IMMP2L: variants seen among roughly 807,000 people sequenced by gnomAD.
IMMP2L encodes mitochondrial inner membrane protease subunit 2.
A neutral mutation model predicts 19.3 loss-of-function variants in IMMP2L; 18 were observed. The ratio of observed to expected loss-of-function variants is 0.93; its 90% CI spans 0.64 to 1.38. The LOEUF (loss-of-function observed/expected upper bound fraction) is 1.38, where lower values mean the gene tolerates loss of function less well. IMMP2L is among the 40% of genes most tolerant of loss of function. The pLI is 0.00. For missense variants in IMMP2L, 233 were observed against 218.2 expected, an observed-to-expected ratio of 1.07 and a Z score of -0.43; for synonymous variants, 76 against 73.0, an observed-to-expected ratio of 1.04 and a Z score of -0.21.
intron 2 of IMMP2L, among the ~76,000 whole-genome samples, chr7:111,514,962 G>C (rs138655921): frequency 1.3e-5 from 2 of 151,922 alleles, no homozygotes; most frequent in Non-Finnish European, 1.5e-5. Flanking sequence ...ATAATCTCTT[G>C]TTGCTTTCTG....
chr7:110,954,046 A>G (rs1324137703), intron 4 of IMMP2L, among the ~76,000 whole-genome samples: 1 of 152,094 alleles, frequency 6.6e-6, no homozygotes, highest in Non-Finnish European at 1.5e-5. Flanking sequence ...GACATAGACT[A>G]GAAGAATATA....
intron 3 of IMMP2L, among the ~76,000 whole-genome samples, chr7:111,105,222 T>G (rs1410960084): frequency 6.6e-6 from 1 of 151,930 alleles, no homozygotes; most frequent in Non-Finnish European, 1.5e-5. Flanking sequence ...AAAGAATTCT[T>G]ATGTCAATAG....
chr7:111,079,559 A>C (rs1476918689), intron 3 of IMMP2L, among the ~76,000 whole-genome samples: 1 of 152,250 alleles, frequency 6.6e-6, no homozygotes, highest in African/African-American at 2.4e-5. Flanking sequence ...ACAATGTCCC[A>C]AATCGCACAT....
At chr7:111,026,226 T>C (rs899681383) in intron 3 of IMMP2L, among the ~76,000 whole-genome samples, 1 of 152,294 alleles carries the variant, frequency 6.6e-6, no homozygotes, top group East Asian at 1.9e-4. Flanking sequence ...CTACATTGTG[T>C]AATTTTACTT....
intron 3 of IMMP2L, among the ~76,000 whole-genome samples, chr7:110,974,623 CT>C (rs1340208875): frequency 2.0e-5 from 3 of 152,088 alleles, no homozygotes; most frequent in Non-Finnish European, 2.9e-5. Context: ...CCGCTGCCAT[CT>C]GTTTGCCTTG....
intron 5 of IMMP2L, among the ~76,000 whole-genome samples, chr7:110,816,340 A>G (rs539512902): frequency 4.6e-4 from 70 of 152,118 alleles, no homozygotes; most frequent in African/African-American, 1.6e-3. Context: ...ACAGTTTGTT[A>G]TAATTTCTGT....
intron 4 of IMMP2L, among the ~76,000 whole-genome samples, chr7:110,891,317 G>C (rs779845294): frequency 4.6e-5 from 7 of 151,636 alleles, no homozygotes; most frequent in Non-Finnish European, 8.8e-5. Context: ...CTCTGAAAGA[G>C]AAAAAAACTC....
At position 110,743,706 on chromosome 7, in the gene IMMP2L, G is replaced by A. The variant is rs958985244; in HGVS notation, c.409-79985C>T. ...AGGAGTCGGGGAACTCCCTCTCCCA[G>A]CCAAGGGAAGCCATTAGGGACTGTA... On this transcript the variant is annotated intron_variant, in intron 5 of 5. Coordinates refer to ENST00000405709, the MANE Select transcript of IMMP2L (RefSeq NM_032549.4). Among the ~76,000 whole-genome samples the A allele has an allele frequency of 5.9e-5, 9 of 152,302 alleles. No individual in the cohort carries two copies. In the South Asian group the frequency reaches 1.7e-3, roughly 28 times the overall value.
At chr7:111,192,925 T>C (rs1253025418) in intron 3 of IMMP2L, among the ~76,000 whole-genome samples, 12 of 151,936 alleles carry the variant, frequency 7.9e-5, no homozygotes, top group Non-Finnish European at 1.5e-4. Flanking sequence ...ATCACATAGA[T>C]TGTACAGTGA....
rs755602747 is a variant in IMMP2L, at chr7:111,535,895, AC to A, written c.-2-14447del. Among the ~76,000 whole-genome samples the A allele has an allele frequency of 9.2e-5, 14 of 152,176 alleles. No homozygotes were observed. The East Asian group carries it at 2.5e-3, about 27-fold the overall frequency. The stretch of plus-strand genomic sequence containing the variant: ...TAGTACTCAATTCTTAGGGTCTAAT[AC>A]CATTCCCTACTCCAAAGAATCAGCA... On this transcript the variant is annotated intron_variant, in intron 1 of 5. Coordinates refer to ENST00000405709, the MANE Select transcript of IMMP2L (RefSeq NM_032549.4).
intron 3 of IMMP2L, among the ~76,000 whole-genome samples, chr7:111,271,144 T>A (rs1818420563): frequency 6.6e-6 from 1 of 152,110 alleles, no homozygotes; most frequent in African/African-American, 2.4e-5. Flanking sequence ...AATGGTTTTA[T>A]AAGGGGTTTT....
chr7:111,363,863 T>A (rs1012232588), intron 3 of IMMP2L, among the ~76,000 whole-genome samples: 3 of 152,114 alleles, frequency 2.0e-5, no homozygotes, highest in Non-Finnish European at 2.9e-5. Context: ...ACACACCACG[T>A]GGTTTTATGC....
rs148437054 is a variant in IMMP2L at position 111,385,466 on chromosome 7, G to A, written c.239+101772C>T. On this transcript the variant is annotated intron_variant, in intron 3 of 5. Transcript: ENST00000405709. Reference sequence around the variant, plus strand: ...AAGACCCATAGCGCTACCCTAGGCCGAAGTGAGTCCACAACCACACATTCG... The same window carrying A: ...AAGACCCATAGCGCTACCCTAGGCCAAAGTGAGTCCACAACCACACATTCG... 2.1e-4 allele frequency among the ~76,000 whole-genome samples: 32 copies of A among 152,250 alleles called. No individual in the cohort carries two copies. In the East Asian group the frequency reaches 2.3e-3, roughly 11 times the overall value.
At chr7:110,691,666 A>G (rs889944333) in intron 5 of IMMP2L, among the ~76,000 whole-genome samples, 1 of 152,080 alleles carries the variant, frequency 6.6e-6, no homozygotes, top group Admixed American at 6.6e-5. Flanking sequence ...GGATAGACAT[A>G]TCTCAAAAAA....
chr7:111,347,081 A>T (rs1460117188), intron 3 of IMMP2L, among the ~76,000 whole-genome samples: 1 of 152,142 alleles, frequency 6.6e-6, no homozygotes, highest in African/African-American at 2.4e-5. Context: ...GGCAGTCTAG[A>T]ACGACTGCCA....
intron 3 of IMMP2L, among the ~76,000 whole-genome samples, chr7:111,345,761 C>A (rs1827475648): frequency 4.6e-5 from 7 of 152,110 alleles, no homozygotes; most frequent in Admixed American, 4.6e-4. Flanking sequence ...TGGTGAACAT[C>A]AGGCCTCCAC....
At chr7:110,894,376 T>A (rs1811114531) in intron 4 of IMMP2L, among the ~76,000 whole-genome samples, 1 of 152,196 alleles carries the variant, frequency 6.6e-6, no homozygotes, top group Admixed American at 6.5e-5. Flanking sequence ...GAGTTTCTGT[T>A]GTTCCACATC....
At chr7:111,208,518 T>G (rs898737565) in intron 3 of IMMP2L, among the ~76,000 whole-genome samples, 2 of 152,184 alleles carry the variant, frequency 1.3e-5, no homozygotes, top group Non-Finnish European at 2.9e-5. Context: ...TTATGAAATG[T>G]TTGTTAAAGC....
At chr7:110,759,966 T>G (rs1798254139) in intron 5 of IMMP2L, among the ~76,000 whole-genome samples, 1 of 152,094 alleles carries the variant, frequency 6.6e-6, no homozygotes, top group Non-Finnish European at 1.5e-5. Flanking sequence ...TTTATTAAGC[T>G]TTTTAACAGA....
Sources: gnomAD v4.1 joint callset for allele counts (sites outside exome capture counted in the v4.1 genomes callset) on GRCh38, gnomAD v4.1.1 for gene constraint, MANE v1.5 for transcripts, NCBI Gene and HGNC (gene_info 2026-07-23, HGNC 2026-07-21) for gene names.